Variants in ELF2 observed in about 807,000 individuals in gnomAD.
ELF2 encodes the protein E74 like ETS transcription factor 2, also known as ETS-related transcription factor Elf-2.
In ELF2, 11 loss-of-function variants were observed where a neutral mutation model predicts 54.8. The ratio of observed to expected loss-of-function variants is 0.20; its 90% CI spans 0.13 to 0.33. The LOEUF (loss-of-function observed/expected upper bound fraction) is 0.33. Among genes scored for constraint, ELF2 ranks in the 10% least tolerant of loss-of-function variants. ELF2 has a pLI of 1.00. For missense variants in ELF2, 513 were observed against 703.0 expected, an observed-to-expected ratio of 0.73 and a Z score of 3.06; for synonymous variants, 203 against 245.1, an observed-to-expected ratio of 0.83 and a Z score of 1.61.
At chr4:139,103,372 T>G (rs1247532259) in intron 4 of ELF2, among the ~76,000 whole-genome samples, 4 of 152,062 alleles carry the variant, frequency 2.6e-5, no homozygotes, top group Non-Finnish European at 5.9e-5. Flanking sequence ...GATTATAGGG[T>G]TGGGACTTTC....
In ELF2 at chr4:139,138,698, G is replaced by A. The variant is rs6824592; in HGVS notation, c.-167+715C>T. On this transcript the variant is annotated intron_variant, in intron 2 of 9. Transcript: ENST00000686138. ...ATTTTGTATTCACACTTTGAATACA[G>A]GAACTGTATGTAAGAGAGATTTATT... 3.3e-5 allele frequency among the ~76,000 whole-genome samples: 5 copies of A among 152,104 alleles called. No individual in the cohort carries two copies. In the South Asian group the frequency reaches 1.0e-3, roughly 32 times the overall value.
At chr4:139,095,196 T>C (rs1042622631) in intron 4 of ELF2, among the ~76,000 whole-genome samples, 1 of 151,700 alleles carries the variant, frequency 6.6e-6, no homozygotes, top group African/African-American at 2.4e-5. Context: ...TTTTTTTTTT[T>C]TTTTTTGAGA....
intron 1 of ELF2, among the ~76,000 whole-genome samples, chr4:139,169,836 G>C (rs974337069): frequency 7.0e-6 from 1 of 143,176 alleles, no homozygotes; most frequent in Non-Finnish European, 1.5e-5. Context: ...CAGCCTGCGC[G>C]ACAGAGCGAG....
chr4:139,114,807 G>T, intron 4 of ELF2: 1 of 1,530,676 alleles, frequency 6.5e-7, no homozygotes. Context: ...TGGGCCAGGG[G>T]CACGAGGAGC....
chr4:139,092,366 T>TCGTAA, intron 4 of ELF2, among the ~76,000 whole-genome samples: 1 of 49,090 alleles, frequency 2.0e-5, no homozygotes, highest in African/African-American at 7.3e-5. Flanking sequence ...ATCTCAGAAA[T>TCGTAA]CATAACGTAA....
intron 4 of ELF2, among the ~76,000 whole-genome samples, chr4:139,099,964 C>A (rs936129620): frequency 6.6e-6 from 1 of 152,134 alleles, no homozygotes; most frequent in Non-Finnish European, 1.5e-5. Flanking sequence ...ATAATCTACT[C>A]CAGACAGAAA....
intron 4 of ELF2, among the ~76,000 whole-genome samples, chr4:139,093,988 T>G (rs538879820): frequency 9.9e-4 from 144 of 145,726 alleles, no homozygotes; most frequent in South Asian, 2.6e-3. Flanking sequence ...AACCTCCGCC[T>G]CTCGGGTTCG....
intron 1 of ELF2, among the ~76,000 whole-genome samples, chr4:139,140,786 T>C (rs1194250792): frequency 6.6e-6 from 1 of 151,986 alleles, no homozygotes; most frequent in Non-Finnish European, 1.5e-5. Flanking sequence ...TCCTCTTCCA[T>C]TATCCTGCAT....
intron 4 of ELF2, among the ~76,000 whole-genome samples, chr4:139,104,236 A>C (rs1292840353): frequency 2.6e-5 from 4 of 152,308 alleles, no homozygotes; most frequent in Non-Finnish European, 2.9e-5. Flanking sequence ...TTGGCTGGGC[A>C]CGGTGGCTCA....
intron 1 of ELF2, among the ~76,000 whole-genome samples, chr4:139,168,179 A>C (rs1741914150): frequency 6.6e-6 from 1 of 152,188 alleles, no homozygotes; most frequent in African/African-American, 2.4e-5. Flanking sequence ...TACCTGGATA[A>C]ATTCCTTTGA....
chr4:139,075,355 G>A (rs1017200161), intron 4 of ELF2, among the ~76,000 whole-genome samples: 3 of 151,686 alleles, frequency 2.0e-5, no homozygotes, highest in African/African-American at 7.3e-5. Context: ...CTTGAGGTCT[G>A]GGGGGCTAGC....
At chr4:139,075,747 T>G (rs1222928764) in intron 4 of ELF2, among the ~76,000 whole-genome samples, 1 of 152,218 alleles carries the variant, frequency 6.6e-6, no homozygotes, top group Non-Finnish European at 1.5e-5. Flanking sequence ...TTTTATGTAC[T>G]GAATTAAGGA....
At chr4:139,159,999 G>A (rs1315549789) in intron 1 of ELF2, among the ~76,000 whole-genome samples, 1 of 152,200 alleles carries the variant, frequency 6.6e-6, no homozygotes. Context: ...GGTAGTGGAG[G>A]GGGGCGGAGC....
chr4:139,165,241 T>C (rs529423359), intron 1 of ELF2, among the ~76,000 whole-genome samples: 27 of 152,242 alleles, frequency 1.8e-4, no homozygotes, highest in Non-Finnish European at 3.1e-4. Context: ...GTATTGCTTT[T>C]GAAATCTTTT....
In ELF2 at chr4:139,132,884, AT is replaced by A. The variant is rs539156094; in HGVS notation, c.72+4745del. On this transcript the variant is annotated intron_variant, in intron 3 of 9. Transcript: ENST00000686138. ...TATATATATATATATAAAATATGTAATTTTTTTTTTTGGTGGGGGTGAGGGA... is the reference window on the plus strand; with the variant it reads ...TATATATATATATATAAAATATGTAATTTTTTTTTTGGTGGGGGTGAGGGA... Among the ~76,000 whole-genome samples, 62 of 127,048 alleles carry A rather than the reference AT, an allele frequency of 4.9e-4. 1 individual carries two copies. The East Asian group carries it at 9.4e-3, about 19-fold the overall frequency. The allele number at this position is 127,048 out of a possible 152,430, so 83.3% of individuals were successfully genotyped here.
chr4:139,133,328 A>C (rs1737744453), intron 3 of ELF2, among the ~76,000 whole-genome samples: 1 of 152,154 alleles, frequency 6.6e-6, no homozygotes, highest in East Asian at 1.9e-4. Flanking sequence ...ATTTAGTAGG[A>C]TCGCCTTGTG....
chr4:139,133,838 T>C (rs1737816473), intron 3 of ELF2, among the ~76,000 whole-genome samples: 1 of 152,220 alleles, frequency 6.6e-6, no homozygotes, highest in Non-Finnish European at 1.5e-5. Context: ...ATATAAATAA[T>C]TGCTTTGTAT....
Position 139,060,445 on chromosome 4 carries a change from T to C in ELF2, c.1036A>G (p.Ile346Val), listed in dbSNP as rs777372941. Residue 346 changes from isoleucine to valine, a missense_variant, in exon 9 of 10, where the codon ATA becomes GTA. Physicochemically the swap from Ile to Val is conservative, Grantham distance 29. Coordinates refer to ENST00000686138, the MANE Select transcript of ELF2 (RefSeq NM_001331036.3). ...CCCTTCTCTGCTCTGGAGCAGTTTA[T>C]AGGGGATGAATTTTTTCCACTGCGA... is the stretch of plus-strand genomic sequence containing the variant. ...SVRSGKNSSP[I>V]NCSRAEKGVA... 1.9e-5 allele frequency: 31 copies of C among 1,614,216 alleles called. No homozygotes were observed. The highest frequency in any genetic ancestry group is 1.6e-4 in the Middle Eastern group (1 of 6,062).
At chr4:139,153,303 C>G (rs1242484139) in intron 1 of ELF2, among the ~76,000 whole-genome samples, 2 of 152,030 alleles carry the variant, frequency 1.3e-5, no homozygotes, top group Non-Finnish European at 2.9e-5. Flanking sequence ...GACACGGTGG[C>G]ACACGTCTGT....
Sources: allele counts gnomAD v4.1 joint callset (sites outside exome capture counted in the v4.1 genomes callset), GRCh38; gene constraint gnomAD v4.1.1; transcripts MANE v1.5; gene names NCBI Gene and HGNC (gene_info 2026-07-23, HGNC 2026-07-21).